The following ALCAM variants were observed in gnomAD, a reference collection of about 807,000 sequenced individuals.
The protein encoded by ALCAM is CD166 antigen.
ALCAM carries 30 observed loss-of-function variants against 70.9 expected under a neutral mutation model. The observed-to-expected ratio is 0.42, with a 90% confidence interval of 0.32 to 0.57. The LOEUF is 0.57. Ranked by LOEUF, ALCAM falls within the 20% of genes least tolerant of loss-of-function variation. The pLI is 0.11. For synonymous variants in ALCAM, 249 were observed against 242.5 expected, an observed-to-expected ratio of 1.03 and a Z score of -0.25; for missense variants, 591 against 695.1, an observed-to-expected ratio of 0.85 and a Z score of 1.68.
intron 6 of ALCAM, among the ~76,000 whole-genome samples, chr3:105,537,382 T>A (rs1939996835): frequency 6.6e-6 from 1 of 152,120 alleles, no homozygotes; most frequent in Admixed American, 6.6e-5. Flanking sequence ...TCCAAACTGC[T>A]GCCAGAAATA....
chr3:105,437,790 T>C (rs1017291335), intron 1 of ALCAM, among the ~76,000 whole-genome samples: 2 of 152,156 alleles, frequency 1.3e-5, no homozygotes, highest in African/African-American at 4.8e-5. Flanking sequence ...AAATTTTAAA[T>C]GTATTCAAAA....
intron 1 of ALCAM, among the ~76,000 whole-genome samples, chr3:105,409,520 C>T (rs1208358658): frequency 1.3e-5 from 2 of 151,966 alleles, no homozygotes; most frequent in African/African-American, 4.8e-5. Flanking sequence ...GGTGCAAAGG[C>T]ATAAGAATGA....
chr3:105,523,107 T>C (rs1224855681), intron 2 of ALCAM, among the ~76,000 whole-genome samples: 1 of 118,336 alleles, frequency 8.5e-6, no homozygotes, highest in Non-Finnish European at 1.6e-5. Flanking sequence ...GCCACTGCAC[T>C]CCAGCCTGGG....
chr3:105,527,306 G>A (rs1939729279), intron 3 of ALCAM, among the ~76,000 whole-genome samples: 2 of 152,156 alleles, frequency 1.3e-5, no homozygotes, highest in African/African-American at 4.8e-5. Context: ...CCAGAAGGCT[G>A]TTGGTGAGAT....
intron 2 of ALCAM, among the ~76,000 whole-genome samples, chr3:105,521,487 G>A (rs1939543115): frequency 6.6e-6 from 1 of 152,086 alleles, no homozygotes; most frequent in Admixed American, 6.5e-5. Context: ...CACACTGTAA[G>A]AAATGTGCTT....
intron 11 of ALCAM, among the ~76,000 whole-genome samples, chr3:105,548,361 T>A (rs1940303610): frequency 6.6e-6 from 1 of 151,326 alleles, no homozygotes; most frequent in South Asian, 2.1e-4. Flanking sequence ...CTCAGTATAA[T>A]CTGTAAAGGC....
At chr3:105,368,345 T>C (rs935989099) in intron 1 of ALCAM, among the ~76,000 whole-genome samples, 4 of 151,798 alleles carry the variant, frequency 2.6e-5, no homozygotes, top group African/African-American at 9.7e-5. Context: ...GGCCCTGGTA[T>C]CCTCAGGCCC....
At position 105,563,700 on chromosome 3, in the gene ALCAM, A is replaced by G. The variant is rs1328960239; in HGVS notation, c.1665-8152A>G. Among the ~76,000 whole-genome samples the G allele has an allele frequency of 1.3e-4, 5 of 38,788 alleles. No homozygotes were observed. The East Asian group carries it at 2.1e-3, about 17-fold the overall frequency. 25.4% of individuals were successfully genotyped at this position (38,788 alleles called of 152,430 possible). A position where few individuals can be genotyped will look rare whatever the true frequency, so the allele number is the denominator to read the frequency against. On this transcript the variant is annotated intron_variant, in intron 14 of 15. Coordinates refer to ENST00000306107, the MANE Select transcript of ALCAM (RefSeq NM_001627.4). ...TTTTTTTTTTTTTTTTTTTTTTTTG[A>G]GACGGAGTCTCGCTCTGTCGCCCAG...
In ALCAM at chr3:105,547,166, A is replaced by C. The variant is rs201931650; in HGVS notation, c.1122A>C (p.Arg374=). Reference sequence around the variant, plus strand: ...TTAATCAGGATAACATCAGGCTTCGATCTAGCCCGTCATTTTCTAGTCTTC... The same window carrying C: ...TTAATCAGGATAACATCAGGCTTCGCTCTAGCCCGTCATTTTCTAGTCTTC... ...VVWMKDNIRL[R]SSPSFSSLHY... is the part of the protein sequence containing the mutation. The change falls in exon 10 of 16, where the codon CGA becomes CGC. Residue 374 remains arginine, a synonymous_variant. Coordinates refer to ENST00000306107, the MANE Select transcript of ALCAM (RefSeq NM_001627.4). 11 of 1,597,518 alleles carry C rather than the reference A, an allele frequency of 6.9e-6. No homozygotes were observed. The highest frequency in any genetic ancestry group is 1.8e-5 in the Admixed American group (1 of 56,386).
chr3:105,532,714 G>C (rs780021870), intron 4 of ALCAM, among the ~76,000 whole-genome samples: 8 of 152,166 alleles, frequency 5.3e-5, no homozygotes, highest in Admixed American at 2.0e-4. Flanking sequence ...AAAGAGAACG[G>C]TGTGTTTGGG....
At chr3:105,525,156 A>G (rs192101472) in intron 3 of ALCAM, 453 of 983,726 alleles carry the variant, frequency 4.6e-4, no homozygotes, top group Non-Finnish European at 5.1e-4. Flanking sequence ...TTGTCCTAAA[A>G]TTAAAAAAAC....
intron 1 of ALCAM, among the ~76,000 whole-genome samples, chr3:105,379,480 A>C (rs1193131788): frequency 1.3e-5 from 2 of 151,826 alleles, no homozygotes; most frequent in Non-Finnish European, 1.5e-5. Context: ...TTTCCACAAA[A>C]AAAAGAGAAA....
intron 1 of ALCAM, among the ~76,000 whole-genome samples, chr3:105,368,254 A>AGAGAGAGAGAGAGAGAGAGAGAGAGAGG (rs1559767059): frequency 6.8e-6 from 1 of 146,488 alleles, no homozygotes; most frequent in East Asian, 2.0e-4. Flanking sequence ...AGAGAGAGAG[A>AGAGAGAGAGAGAGAGAGAGAGAGAGAGG]GAGAGAGAGA....
intron 14 of ALCAM, among the ~76,000 whole-genome samples, chr3:105,556,785 G>A (rs1055160098): frequency 1.3e-5 from 2 of 152,014 alleles, no homozygotes; most frequent in South Asian, 4.1e-4. Flanking sequence ...GCAAATATAT[G>A]TTCTCAGAAG....
At chr3:105,505,398 G>A (rs997415975) in intron 1 of ALCAM, among the ~76,000 whole-genome samples, 3 of 152,138 alleles carry the variant, frequency 2.0e-5, no homozygotes, top group South Asian at 4.1e-4. Flanking sequence ...TAAACCACCA[G>A]CTCTTATGAG....
chr3:105,472,894 T>G (rs1175612217), intron 1 of ALCAM, among the ~76,000 whole-genome samples: 1 of 151,534 alleles, frequency 6.6e-6, no homozygotes, highest in African/African-American at 2.4e-5. Context: ...ATTAGCATGA[T>G]TCAACGGAAT....
In ALCAM at chr3:105,367,324, A is replaced by C; in HGVS notation, c.-85A>C. The C allele has an allele frequency of 2.9e-5, 39 of 1,364,964 alleles. No homozygotes were observed. The highest frequency in any genetic ancestry group is 3.7e-5 in the Non-Finnish European group (36 of 969,588). 84.6% of individuals were successfully genotyped at this position (1,364,964 alleles called of 1,614,324 possible). On this transcript the variant is annotated 5_prime_UTR_variant, in exon 1 of 16. Transcript: ENST00000306107. ...CGCTGCCCCTGCGTCGGGACCCGCC[A>C]GCGCGCGGGCACCGCGGGGCCCGGG...
intron 1 of ALCAM, among the ~76,000 whole-genome samples, chr3:105,499,756 T>C (rs1022010376): frequency 5.9e-5 from 9 of 152,298 alleles, no homozygotes; most frequent in Non-Finnish European, 1.3e-4. Flanking sequence ...CATTTTCTCA[T>C]GGTACTCTGC....
chr3:105,431,103 C>T (rs543287047), intron 1 of ALCAM, among the ~76,000 whole-genome samples: 3 of 150,232 alleles, frequency 2.0e-5, no homozygotes, highest in Admixed American at 6.6e-5. Context: ...AAGAGGTACT[C>T]GATCCCTAAT....
Sources: allele counts gnomAD v4.1 joint callset (sites outside exome capture counted in the v4.1 genomes callset), GRCh38; gene constraint gnomAD v4.1.1; transcripts MANE v1.5; gene names NCBI Gene and HGNC (gene_info 2026-07-23, HGNC 2026-07-21).